The following CADPS variants were observed in gnomAD, a reference collection of about 807,000 sequenced individuals.
CADPS encodes the protein calcium-dependent secretion activator 1.
CADPS carries 57 observed loss-of-function variants against 167.3 expected under a neutral mutation model. The ratio of observed to expected loss-of-function variants is 0.34; its 90% CI spans 0.28 to 0.42. CADPS has a LOEUF of 0.42. Ranked by LOEUF, CADPS falls within the 20% of genes least tolerant of loss-of-function variation. CADPS has a pLI of 1.00. For missense variants in CADPS, 1,414 were observed against 1,738.1 expected (o/e 0.81, Z 3.32); for synonymous variants, 676 against 635.3 (o/e 1.06, Z -0.96).
intron 11 of CADPS, among the ~76,000 whole-genome samples, chr3:62,545,579 T>C (rs1300520467): frequency 1.3e-5 from 2 of 151,948 alleles, no homozygotes; most frequent in East Asian, 1.9e-4. Flanking sequence ...CAAAAATCTC[T>C]GTAGAGTCAC....
At chr3:62,819,850 G>A (rs996479609) in intron 1 of CADPS, among the ~76,000 whole-genome samples, 1 of 152,186 alleles carries the variant, frequency 6.6e-6, no homozygotes, top group Admixed American at 6.5e-5. Context: ...AAAACTGGAA[G>A]CTTGTGCCTG....
intron 9 of CADPS, among the ~76,000 whole-genome samples, chr3:62,558,405 C>T (rs927273974): frequency 5.3e-5 from 8 of 152,222 alleles, no homozygotes; most frequent in African/African-American, 1.7e-4. Flanking sequence ...CTGCAAGTAG[C>T]CCGTGGGAAA....
At chr3:62,442,664 T>C (rs1256110919) in intron 27 of CADPS, among the ~76,000 whole-genome samples, 1 of 152,204 alleles carries the variant, frequency 6.6e-6, no homozygotes, top group Non-Finnish European at 1.5e-5. Context: ...TGGAGAGAGA[T>C]GCACATAATT....
At chr3:62,781,177 C>G (rs1672780061) in intron 1 of CADPS, among the ~76,000 whole-genome samples, 1 of 152,052 alleles carries the variant, frequency 6.6e-6, no homozygotes, top group African/African-American at 2.4e-5. Flanking sequence ...AAAACATAAC[C>G]AGGAGACTTG....
At position 62,729,236 on chromosome 3, in the gene CADPS, T is replaced by C. The variant is rs112474420; in HGVS notation, c.888+24205A>G. On this transcript the variant is annotated intron_variant, in intron 3 of 29. Transcript: ENST00000383710. ...CTCTCTCTCAATGTTTGCAGACAGA[T>C]TTTACTTGTTTCTCTGAGCATGATC... 7.2e-4 allele frequency among the ~76,000 whole-genome samples: 110 copies of C among 151,892 alleles called. 4 individuals are homozygous for C. Among genetic ancestry groups the C allele is most frequent in the African/African-American group, 2.6e-3 (109 of 41,208 alleles).
chr3:62,539,234 T>C (rs533755192), intron 11 of CADPS, among the ~76,000 whole-genome samples: 2 of 152,226 alleles, frequency 1.3e-5, no homozygotes, highest in East Asian at 3.9e-4. Flanking sequence ...TTGCCTTCTG[T>C]GTAAGAGGAG....
At chr3:62,411,236 G>A (rs1027540035) in intron 28 of CADPS, among the ~76,000 whole-genome samples, 1 of 152,152 alleles carries the variant, frequency 6.6e-6, no homozygotes, top group African/African-American at 2.4e-5. Flanking sequence ...AATGCTGGAG[G>A]ATTTTTATAT....
intron 1 of CADPS, among the ~76,000 whole-genome samples, chr3:62,830,517 A>G (rs2074892537): frequency 1.3e-5 from 2 of 152,160 alleles, no homozygotes; most frequent in African/African-American, 4.8e-5. Context: ...GTTTTTCTCT[A>G]GAAGAATAAA....
chr3:62,803,122 G>A (rs1419013184), intron 1 of CADPS, among the ~76,000 whole-genome samples: 2 of 152,054 alleles, frequency 1.3e-5, no homozygotes, highest in South Asian at 2.1e-4. Flanking sequence ...TAATGCATAG[G>A]AGAGCTGAAC....
At chr3:62,818,564 G>A (rs182886210) in intron 1 of CADPS, among the ~76,000 whole-genome samples, 6 of 152,306 alleles carry the variant, frequency 3.9e-5, no homozygotes, top group African/African-American at 2.4e-5. Flanking sequence ...TGAAGCAACC[G>A]TAACTCTCAT....
Position 62,675,995 on chromosome 3 carries a change from C to T in CADPS, c.889-13601G>A, listed in dbSNP as rs1045567044. Among the ~76,000 whole-genome samples, 6 of 151,604 alleles carry T rather than the reference C, an allele frequency of 4.0e-5. No individual in the cohort carries two copies. In the East Asian group the frequency reaches 7.8e-4, roughly 20 times the overall value. ...TGTAAAATCTCAGAAGGAACAAAAA[C>T]GTATGCAGGAACCTTAAGTAACCAC... On this transcript the variant is annotated intron_variant, in intron 3 of 29. Coordinates refer to ENST00000383710, the MANE Select transcript of CADPS (RefSeq NM_003716.4).
chr3:62,549,399 G>T (rs2076973006), intron 11 of CADPS, among the ~76,000 whole-genome samples: 1 of 148,506 alleles, frequency 6.7e-6, no homozygotes, highest in Non-Finnish European at 1.5e-5. Context: ...TCATTTTTGG[G>T]TCTTCGGTAT....
intron 4 of CADPS, among the ~76,000 whole-genome samples, chr3:62,656,125 TAG>T (rs1362313898): frequency 6.6e-6 from 1 of 152,194 alleles, no homozygotes; most frequent in Non-Finnish European, 1.5e-5. Flanking sequence ...TTGTGAAAAG[TAG>T]AGATCATAAC....
intron 6 of CADPS, among the ~76,000 whole-genome samples, chr3:62,628,246 G>T (rs914021669): frequency 6.6e-6 from 1 of 152,144 alleles, no homozygotes; most frequent in Non-Finnish European, 1.5e-5. Flanking sequence ...GTCACTGGCT[G>T]GGGGCCTTGA....
chr3:62,457,412 T>C (rs531381149), intron 26 of CADPS, among the ~76,000 whole-genome samples: 6 of 152,252 alleles, frequency 3.9e-5, no homozygotes, highest in African/African-American at 7.2e-5. Flanking sequence ...TATTCAATTC[T>C]AGTTAAGCAA....
At chr3:62,534,623 C>T (rs1045169193) in intron 12 of CADPS, among the ~76,000 whole-genome samples, 1 of 152,066 alleles carries the variant, frequency 6.6e-6, no homozygotes, top group Non-Finnish European at 1.5e-5. Flanking sequence ...AAAATAGCTG[C>T]TTTGAAAAGA....
At chr3:62,616,815 G>A (rs969928780) in intron 6 of CADPS, among the ~76,000 whole-genome samples, 1 of 152,152 alleles carries the variant, frequency 6.6e-6, no homozygotes, top group Non-Finnish European at 1.5e-5. Flanking sequence ...TAATGCTACA[G>A]ATACTTATCA....
rs191719497 is a variant in CADPS at position 62,865,912 on chromosome 3, T to C, written c.441+8677A>G. Among the ~76,000 whole-genome samples the C allele has an allele frequency of 1.5e-4, 23 of 152,256 alleles. No homozygotes were observed. In the East Asian group the frequency reaches 4.2e-3, roughly 28 times the overall value. On this transcript the variant is annotated intron_variant, in intron 1 of 29. Transcript: ENST00000383710. ...AGCACATTTATTTATGCCTAAAATA[T>C]GTAGAACTTACAGGTTCTGTGATAC...
intron 3 of CADPS, among the ~76,000 whole-genome samples, chr3:62,682,929 G>A (rs1451218553): frequency 6.6e-6 from 1 of 152,082 alleles, no homozygotes; most frequent in Non-Finnish European, 1.5e-5. Flanking sequence ...CTCTGGCCTA[G>A]CAGCTCTTGA....
Sources: gnomAD v4.1 joint callset for allele counts (sites outside exome capture counted in the v4.1 genomes callset) on GRCh38, gnomAD v4.1.1 for gene constraint, MANE v1.5 for transcripts, NCBI Gene and HGNC (gene_info 2026-07-23, HGNC 2026-07-21) for gene names.